Variants in SOX13 observed in about 807,000 individuals in gnomAD.
SOX13 encodes the protein SRY-box transcription factor 13, also known as transcription factor SOX-13.
Under a neutral mutation model 71.8 loss-of-function variants are expected in SOX13, and 28 were observed. That is an observed-to-expected ratio of 0.39 (90% CI 0.29 to 0.53). The LOEUF is 0.53. SOX13 is among the 20% of genes least tolerant of loss of function. SOX13 has a pLI of 0.70. For missense variants in SOX13, 627 were observed against 810.3 expected, an observed-to-expected ratio of 0.77 and a Z score of 2.75; for synonymous variants, 309 against 317.8, an observed-to-expected ratio of 0.97 and a Z score of 0.29.
intron 1 of SOX13, among the ~76,000 whole-genome samples, chr1:204,086,743 T>C (rs934118420): frequency 1.6e-4 from 25 of 152,180 alleles, no homozygotes; most frequent in Non-Finnish European, 3.7e-4. Context: ...TCTTTATCCA[T>C]AAAATGGCGT....
intron 9 of SOX13, chr1:204,122,617 TC>T (rs1404936471): frequency 3.3e-6 from 2 of 600,598 alleles, no homozygotes; most frequent in African/African-American, 1.9e-5. Flanking sequence ...GTCACATAGT[TC>T]CAGGGGGTAC....
chr1:204,078,219 G>T (rs1308934602), intron 1 of SOX13: 1 of 151,352 alleles, frequency 6.6e-6, no homozygotes. Flanking sequence ...TGCCAGACAA[G>T]TGTCGGTTGA....
At chr1:204,118,475 C>T (rs1656740969) in intron 7 of SOX13, 1 of 152,038 alleles carries the variant, frequency 6.6e-6, no homozygotes, top group African/African-American at 2.4e-5. Context: ...ATTCTCCTGC[C>T]TCAGCCTCCT....
chr1:204,078,614 G>A (rs551326784), intron 1 of SOX13, among the ~76,000 whole-genome samples: 2 of 152,270 alleles, frequency 1.3e-5, no homozygotes, highest in East Asian at 3.9e-4. Flanking sequence ...TCTGGAACCC[G>A]GATGTGTCAG....
intron 1 of SOX13, among the ~76,000 whole-genome samples, chr1:204,087,889 A>C (rs976617341): frequency 1.3e-5 from 2 of 152,186 alleles, no homozygotes; most frequent in African/African-American, 4.8e-5. Context: ...GCAGATGAGG[A>C]TATTGGAAAT....
intron 1 of SOX13, among the ~76,000 whole-genome samples, chr1:204,090,611 A>G (rs576943375): frequency 5.3e-5 from 8 of 151,836 alleles, no homozygotes. Context: ...GGGTTTCACT[A>G]TGTTGGCCAG....
intron 1 of SOX13, among the ~76,000 whole-genome samples, chr1:204,091,253 G>A (rs780736277): frequency 3.9e-5 from 6 of 152,112 alleles, no homozygotes; most frequent in South Asian, 4.1e-4. Context: ...GCGTTTCCTC[G>A]TCTGCCCTGA....
At chr1:204,117,426 A>G (rs1008194960) in intron 6 of SOX13, among the ~76,000 whole-genome samples, 167 bp from the exon 7 acceptor site, 1 of 152,214 alleles carries the variant, frequency 6.6e-6, no homozygotes, top group Non-Finnish European at 1.5e-5. Flanking sequence ...GCAGGTAGAC[A>G]GGGGCCCACA....
chr1:204,075,446 C>CTGGG (rs753551654), intron 1 of SOX13, among the ~76,000 whole-genome samples: 18 of 152,260 alleles, frequency 1.2e-4, no homozygotes, highest in Admixed American at 2.6e-4. Flanking sequence ...TCACAAGATG[C>CTGGG]TGGGATTCAG....
At chr1:204,105,476 G>T (rs935873981) in intron 1 of SOX13, among the ~76,000 whole-genome samples, 1 of 149,734 alleles carries the variant, frequency 6.7e-6, no homozygotes, top group Non-Finnish European at 1.5e-5. Context: ...TGCAATCTTG[G>T]CTCACTGCAA....
chr1:204,124,826 C>A lies in SOX13; in HGVS notation c.1561C>A (p.Arg521Ser). 1 of 1,579,624 alleles carries A rather than the reference C, an allele frequency of 6.3e-7. No individual in the cohort carries two copies. The change falls in exon 13 of 14, where the codon CGT (arginine) becomes AGT (serine). Residue 521 changes from arginine (R) to serine (S), a missense_variant. Coordinates refer to ENST00000367204, the MANE Select transcript of SOX13 (RefSeq NM_005686.3). ...GEYKALMRTR[R>S]QDARQSYVIP... The stretch of plus-strand genomic sequence containing the variant: ...GTACAAGGCCCTGATGAGGACCCGG[C>A]GTCAGGATGCCCGCCAGAGCTACGT...
chr1:204,123,326 G>C lies in SOX13; in HGVS notation c.1231+118G>C. On this transcript the variant is annotated intron_variant, in intron 11 of 13. Transcript: ENST00000367204. The surrounding 1 kb of genome is among the most constrained non-coding windows in gnomAD (Gnocchi z 5.0). The stretch of plus-strand genomic sequence containing the variant: ...CCTTGGTCTGTTGGGTCCTTTCCAG[G>C]TGTGTGTGCCTCTGCTGTCCCATTA... 2.4e-6 allele frequency: 2 copies of C among 824,696 alleles called. No individual in the cohort carries two copies. Among genetic ancestry groups the C allele is most frequent in the South Asian group, 2.9e-5 (2 of 68,824 alleles). 51.1% of individuals were successfully genotyped at this position (824,696 alleles called of 1,614,324 possible).
chr1:204,093,567 C>G (rs927411074), intron 1 of SOX13, among the ~76,000 whole-genome samples: 3 of 152,214 alleles, frequency 2.0e-5, no homozygotes, highest in African/African-American at 7.2e-5. Flanking sequence ...CGGGTGGCAT[C>G]CAGGCCCAGA....
intron 1 of SOX13, among the ~76,000 whole-genome samples, chr1:204,090,453 G>A (rs2102231318): frequency 6.7e-6 from 1 of 148,834 alleles, no homozygotes; most frequent in Non-Finnish European, 1.5e-5. Context: ...CTGTCACCCA[G>A]GCTGGAGTAT....
intron 12 of SOX13, among the ~76,000 whole-genome samples, chr1:204,124,053 G>A (rs1184036682): frequency 6.6e-6 from 1 of 152,158 alleles, no homozygotes; most frequent in African/African-American, 2.4e-5. Flanking sequence ...ACATTCTTTA[G>A]TACTCCTGAT....
intron 1 of SOX13, among the ~76,000 whole-genome samples, chr1:204,112,390 G>A (rs1047501770): frequency 4.0e-5 from 6 of 151,148 alleles, no homozygotes; most frequent in African/African-American, 1.5e-4. Flanking sequence ...GCAGTGAGCC[G>A]AGATCGTGCC....
chr1:204,121,837 C>G (rs1656811544), intron 7 of SOX13, 63 bp from the exon 8 acceptor site: 1 of 1,186,490 alleles, frequency 8.4e-7, no homozygotes, highest in Admixed American at 1.8e-5. Context: ...GGGACCTCGT[C>G]AAGCAGGGTG....
At chr1:204,095,878 A>C (rs1279750040) in intron 1 of SOX13, among the ~76,000 whole-genome samples, 1 of 152,124 alleles carries the variant, frequency 6.6e-6, no homozygotes, top group Non-Finnish European at 1.5e-5. Context: ...TGTCTCTATG[A>C]ATTTAGCTGT....
chr1:204,124,498 C>T (rs919294593), intron 12 of SOX13, 143 bp from the exon 13 acceptor site: 14 of 684,638 alleles, frequency 2.0e-5, no homozygotes, highest in African/African-American at 7.2e-5. Flanking sequence ...GCACCCGTAT[C>T]GGGCCAGGCC....
Sources: gnomAD v4.1 joint callset for allele counts (sites outside exome capture counted in the v4.1 genomes callset) on GRCh38, gnomAD v4.1.1 for gene constraint, Gnocchi (gnomAD v3.1) non-coding constraint, MANE v1.5 for transcripts, NCBI Gene and HGNC (gene_info 2026-07-23, HGNC 2026-07-21) for gene names.